The following CPED1 variants were observed in gnomAD, a reference collection of about 807,000 sequenced individuals.
CPED1 encodes cadherin-like and PC-esterase domain-containing protein 1.
A neutral mutation model predicts 128.2 loss-of-function variants in CPED1; 114 were observed. That is an observed-to-expected ratio of 0.89 (90% confidence interval 0.76 to 1.04). CPED1 has a LOEUF of 1.04. Among genes scored for constraint, CPED1 ranks in the 50% least tolerant of loss-of-function variants. The pLI is 0.00. For missense variants in CPED1, 1,211 were observed against 1,207.1 expected (o/e 1.00, Z -0.05); for synonymous variants, 462 against 426.7 (o/e 1.08, Z -1.02).
intron 3 of CPED1, among the ~76,000 whole-genome samples, chr7:121,035,312 A>G (rs1203913831): frequency 1.3e-5 from 2 of 152,230 alleles, no homozygotes; most frequent in African/African-American, 4.8e-5. Context: ...TTCTAGAAGG[A>G]AAAATAATTA....
In CPED1 at chr7:121,084,037, T is replaced by C. The variant is rs1049861669; in HGVS notation, c.617-13662T>C. Among the ~76,000 whole-genome samples, 11 of 152,240 alleles carry C rather than the reference T, an allele frequency of 7.2e-5. 1 individual carries two copies. The highest frequency in any genetic ancestry group is 1.6e-4 in the Non-Finnish European group (11 of 68,038). ...CGACTTTAATCTAGTTTGGTGAGAC[T>C]CATGTTTTTAAGACTCACTAACCTG... On this transcript the variant is annotated intron_variant, in intron 5 of 22. Transcript: ENST00000310396.
At chr7:121,146,519 C>G (rs762080956) in intron 16 of CPED1, among the ~76,000 whole-genome samples, 6 of 152,120 alleles carry the variant, frequency 3.9e-5, no homozygotes, top group Non-Finnish European at 8.8e-5. Context: ...TCTCCTTCCC[C>G]TATTCTCTTA....
At chr7:121,181,425 T>C (rs1796894689) in intron 16 of CPED1, among the ~76,000 whole-genome samples, 1 of 152,116 alleles carries the variant, frequency 6.6e-6, no homozygotes, top group Non-Finnish European at 1.5e-5. Flanking sequence ...TTAAATCATA[T>C]TAGAATCTCA....
At chr7:121,189,760 T>TTTTATATATATATA (rs1472274298) in intron 16 of CPED1, among the ~76,000 whole-genome samples, 12 of 47,468 alleles carry the variant, frequency 2.5e-4, no homozygotes, top group Non-Finnish European at 3.5e-4. Flanking sequence ...TTATGAGGTT[T>TTTTATATATATATA]TATATATATA....
At chr7:121,229,056 A>T (rs1798081124) in intron 16 of CPED1, among the ~76,000 whole-genome samples, 1 of 151,970 alleles carries the variant, frequency 6.6e-6, no homozygotes, top group Non-Finnish European at 1.5e-5. Context: ...GAAGGAATAA[A>T]TTCAATGTTT....
intron 7 of CPED1, among the ~76,000 whole-genome samples, chr7:121,111,926 G>T (rs775523619): frequency 1.3e-5 from 2 of 152,256 alleles, no homozygotes; most frequent in Admixed American, 6.5e-5. Flanking sequence ...TCTATAAATT[G>T]TCTGGACCAG....
At chr7:121,075,306 C>T (rs1026778598) in intron 5 of CPED1, among the ~76,000 whole-genome samples, 18 of 152,258 alleles carry the variant, frequency 1.2e-4, no homozygotes, top group African/African-American at 2.4e-5. Flanking sequence ...AATACTTGTG[C>T]TCACTGCGAT....
intron 7 of CPED1, among the ~76,000 whole-genome samples, chr7:121,118,876 A>T (rs566913041): frequency 2.0e-5 from 3 of 152,144 alleles, no homozygotes; most frequent in Non-Finnish European, 2.9e-5. Flanking sequence ...CTGAGAACTC[A>T]TTCACAATGA....
intron 7 of CPED1, among the ~76,000 whole-genome samples, chr7:121,117,077 T>TTATATATATATATATAAATA (rs1554436997): frequency 7.8e-6 from 1 of 128,798 alleles, no homozygotes; most frequent in African/African-American, 3.0e-5. Flanking sequence ...TATATACACA[T>TTATATATATATATATAAATA]TATATATATA....
chr7:121,003,578 C>G (rs567771920), intron 2 of CPED1, among the ~76,000 whole-genome samples: 1 of 152,088 alleles, frequency 6.6e-6, no homozygotes, highest in Admixed American at 6.5e-5. Flanking sequence ...CTTAAACATT[C>G]TAGAATGAAT....
chr7:121,017,269 G>A (rs772727189), intron 3 of CPED1, among the ~76,000 whole-genome samples: 1 of 152,004 alleles, frequency 6.6e-6, no homozygotes, highest in African/African-American at 2.4e-5. Context: ...GAGCAAATGA[G>A]GAAAAGAAAA....
intron 16 of CPED1, among the ~76,000 whole-genome samples, chr7:121,167,431 A>C (rs1372679481): frequency 1.3e-5 from 2 of 152,168 alleles, no homozygotes; most frequent in Non-Finnish European, 1.5e-5. Context: ...CCAAGATTGA[A>C]TCCTTCACCC....
chr7:121,001,990 C>T (rs1008678340), intron 2 of CPED1, among the ~76,000 whole-genome samples: 6 of 152,018 alleles, frequency 3.9e-5, no homozygotes, highest in Non-Finnish European at 7.4e-5. Flanking sequence ...AAAGAAGACA[C>T]ACACACACAT....
chr7:120,992,407 C>T (rs887175635), intron 2 of CPED1, among the ~76,000 whole-genome samples: 13 of 152,206 alleles, frequency 8.5e-5, no homozygotes, highest in Admixed American at 5.9e-4. Flanking sequence ...ATGTATACAT[C>T]CATGACATTT....
chr7:121,039,958 A>G lies in CPED1; in HGVS notation c.434-6929A>G, dbSNP rs533731097. 4.6e-5 allele frequency among the ~76,000 whole-genome samples: 7 copies of G among 152,206 alleles called. No homozygotes were observed. The South Asian group carries it at 1.5e-3, about 32-fold the overall frequency. On this transcript the variant is annotated intron_variant, in intron 3 of 22. Coordinates refer to ENST00000310396, the MANE Select transcript of CPED1 (RefSeq NM_024913.5). ...TTAGGGAGCTCAAAACTCATCACAGATACTATTATGTCTCATTGATCTTTA... is the reference window on the plus strand; with the variant it reads ...TTAGGGAGCTCAAAACTCATCACAGGTACTATTATGTCTCATTGATCTTTA...
At chr7:121,225,450 T>C (rs1797982899) in intron 16 of CPED1, among the ~76,000 whole-genome samples, 1 of 152,134 alleles carries the variant, frequency 6.6e-6, no homozygotes, top group African/African-American at 2.4e-5. Flanking sequence ...CTAACAATTA[T>C]GTGTCTTGGG....
At chr7:121,027,720 A>G (rs1473709935) in intron 3 of CPED1, among the ~76,000 whole-genome samples, 1 of 148,312 alleles carries the variant, frequency 6.7e-6, no homozygotes, top group Non-Finnish European at 1.5e-5. Context: ...GAATTCCACC[A>G]ACAAGTTAAT....
Position 121,295,952 on chromosome 7 carries a change from G to A in CPED1, c.*300G>A, listed in dbSNP as rs10241888. 83,872 of 241,020 alleles carry A rather than the reference G, an allele frequency of 0.35. 15,139 individuals carry two copies. Among genetic ancestry groups the A allele is most frequent in the African/African-American group, 0.4 (17,884 of 44,398 alleles). The allele number at this position is 241,020 out of a possible 1,614,324, so 14.9% of individuals were successfully genotyped here. On this transcript the variant is annotated 3_prime_UTR_variant, in exon 23 of 23. Transcript: ENST00000310396. ...ACCACTGTGGGCCAGGTATGGCATT[G>A]TGATAATAAAGAGAAATATAGACAC...
intron 16 of CPED1, among the ~76,000 whole-genome samples, chr7:121,143,884 A>G (rs1795962206): frequency 6.6e-6 from 1 of 152,018 alleles, no homozygotes; most frequent in South Asian, 2.1e-4. Context: ...GGTTTTATTC[A>G]TAGTAGCTAA....
Sources: gnomAD v4.1 joint callset for allele counts (sites outside exome capture counted in the v4.1 genomes callset) on GRCh38, gnomAD v4.1.1 for gene constraint, MANE v1.5 for transcripts, NCBI Gene and HGNC (gene_info 2026-07-23, HGNC 2026-07-21) for gene names.